TECTA: variants seen among roughly 807,000 people sequenced by gnomAD.
TECTA encodes alpha-tectorin.
In TECTA, 128 loss-of-function variants were observed where a neutral mutation model predicts 216.8. The observed-to-expected ratio is 0.59, with a 90% CI of 0.51 to 0.68. The LOEUF (loss-of-function observed/expected upper bound fraction) is 0.68, where lower values mean the gene tolerates loss of function less well. TECTA is among the 30% of genes least tolerant of loss of function. The pLI, the probability that TECTA is intolerant of heterozygous loss-of-function variation, is 0.00. For synonymous variants in TECTA, 1,089 were observed against 1,117.1 expected (o/e 0.97, Z 0.50); for missense variants, 2,551 against 2,786.2 (o/e 0.92, Z 1.90).
chr11:121,140,146 G>T (rs1946770132), intron 11 of TECTA, among the ~76,000 whole-genome samples: 1 of 152,096 alleles, frequency 6.6e-6, no homozygotes. Flanking sequence ...GATGAATTGT[G>T]TTTTCTGCCT....
At chr11:121,135,535 A>G (rs561504073) in intron 10 of TECTA, among the ~76,000 whole-genome samples, 26 of 152,362 alleles carry the variant, frequency 1.7e-4, no homozygotes, top group Admixed American at 5.9e-4. Context: ...ACTAGCCTTC[A>G]ACTCCAAAGC....
Position 121,127,616 on chromosome 11 carries a change from AT to A in TECTA, c.1775-134del. 1.0e-6 allele frequency: 1 copy of A among 957,360 alleles called. No individual in the cohort carries two copies. Among genetic ancestry groups the A allele is most frequent in the Middle Eastern group, 2.1e-4 (1 of 4,780 alleles). The allele number at this position is 957,360 out of a possible 1,614,324, so 59.3% of individuals were successfully genotyped here. A position where few individuals can be genotyped will look rare whatever the true frequency, so the allele number is the denominator to read the frequency against. On this transcript the variant is annotated intron_variant, in intron 8 of 23. Transcript: ENST00000392793. The surrounding 1 kb of genome is among the most constrained non-coding windows in gnomAD (Gnocchi z 5.0). ...GCTGGGTTTTACAGATACAACCTCA[AT>A]TCTGTCTTCCCCGAGTGGCCGCTTG...
At chr11:121,126,985 G>T (rs1402606436) in intron 8 of TECTA, among the ~76,000 whole-genome samples, 2 of 152,090 alleles carry the variant, frequency 1.3e-5, no homozygotes, top group African/African-American at 2.4e-5. Flanking sequence ...TTCTTTTCTG[G>T]CTCAATGGAC....
At chr11:121,184,982 C>T (rs879454392) in intron 20 of TECTA, among the ~76,000 whole-genome samples, 13 of 152,224 alleles carry the variant, frequency 8.5e-5, no homozygotes, top group African/African-American at 2.9e-4. Flanking sequence ...ATATGAGACA[C>T]TCTACAAATG....
rs144615423 is a variant in TECTA, at chr11:121,125,784, G to A, written c.1686G>A (p.Thr562=). 1.4e-5 allele frequency: 22 copies of A among 1,614,112 alleles called. No individual in the cohort carries two copies. In the African/African-American group the frequency reaches 2.8e-4, roughly 21 times the overall value. ...TGTGCAGTGTGAGGGACAATGGCAC[G>A]CTCCTCTGCCAAGCCATCCAGGCCT... ...YDLCSVRDNG[T]LLCQAIQAYA... Residue 562 remains threonine (T), a synonymous_variant, in exon 8 of 24, where the codon ACG becomes ACA. Transcript: ENST00000392793.
chr11:121,164,047 C>T (rs895464636), intron 16 of TECTA, among the ~76,000 whole-genome samples: 6 of 152,318 alleles, frequency 3.9e-5, no homozygotes, highest in Middle Eastern at 3.4e-3. Flanking sequence ...TGCACTCCCA[C>T]GTAATGTAAT....
chr11:121,136,184 CT>C (rs1443970571), intron 10 of TECTA, among the ~76,000 whole-genome samples: 1 of 152,128 alleles, frequency 6.6e-6, no homozygotes, highest in Non-Finnish European at 1.5e-5. Context: ...CTGTCTTGAA[CT>C]CCTGACCTCA....
At chr11:121,152,475 G>A (rs570636164) in intron 12 of TECTA, among the ~76,000 whole-genome samples, 1 of 152,218 alleles carries the variant, frequency 6.6e-6, no homozygotes, top group African/African-American at 2.4e-5. Context: ...GGATGAAGAA[G>A]GGCATGAATA....
intron 16 of TECTA, 67 bp downstream of exon 16, chr11:121,162,437 T>G: frequency 6.5e-7 from 1 of 1,543,376 alleles, no homozygotes; most frequent in Non-Finnish European, 8.8e-7. Flanking sequence ...CTGGTAGCAT[T>G]GCTTTTTCTA....
intron 16 of TECTA, among the ~76,000 whole-genome samples, chr11:121,163,639 A>C (rs1175942253): frequency 6.6e-6 from 1 of 152,256 alleles, no homozygotes; most frequent in East Asian, 1.9e-4. Context: ...CAATGACTTT[A>C]AAAATTAACT....
At chr11:121,186,201 G>T (rs1413562380) in intron 20 of TECTA, among the ~76,000 whole-genome samples, 1 of 152,000 alleles carries the variant, frequency 6.6e-6, no homozygotes, top group African/African-American at 2.4e-5. Context: ...CTTAATGAAT[G>T]AGCTGCAAAA....
intron 14 of TECTA, among the ~76,000 whole-genome samples, chr11:121,159,476 G>A (rs1946977167): frequency 6.6e-6 from 1 of 152,184 alleles, no homozygotes; most frequent in Non-Finnish European, 1.5e-5. Context: ...CTAATAGCCT[G>A]GGGAGAATAG....
chr11:121,187,865 C>G lies in TECTA; in HGVS notation c.6033C>G (p.Ile2011Met). ...CQNLKDNTIG[I>M]EENAVSLTCR... The stretch of plus-strand genomic sequence containing the variant: ...ACCTCAAAGATAACACCATTGGCAT[C>G]GAGGAGAATGCAGTCTCCCTGACCT... Residue 2011 changes from isoleucine to methionine, a missense_variant, in exon 21 of 24, where the codon ATC (isoleucine) becomes ATG (methionine). Ile to Met is a conservative substitution (Grantham distance 10). Coordinates refer to ENST00000392793, the MANE Select transcript of TECTA (RefSeq NM_005422.4). The G allele has an allele frequency of 1.2e-6, 2 of 1,614,220 alleles. No individual in the cohort carries two copies. Among genetic ancestry groups the G allele is most frequent in the Non-Finnish European group, 1.7e-6 (2 of 1,180,032 alleles).
intron 4 of TECTA, chr11:121,109,858 G>A (rs1250314430): frequency 1.4e-5 from 4 of 279,368 alleles, no homozygotes; most frequent in Non-Finnish European, 2.7e-5. Flanking sequence ...GGGACCCAAA[G>A]GTCCTTTTCT....
At chr11:121,120,541 C>A (rs1365488545) in intron 7 of TECTA, among the ~76,000 whole-genome samples, 1 of 152,154 alleles carries the variant, frequency 6.6e-6, no homozygotes, top group African/African-American at 2.4e-5. Context: ...CCATGCTGTG[C>A]CAGACCAGAA....
In TECTA at chr11:121,113,682, A is replaced by G. The variant is rs544118013; in HGVS notation, c.754A>G (p.Lys252Glu). 54 of 1,613,830 alleles carry G rather than the reference A, an allele frequency of 3.3e-5. No individual in the cohort carries two copies. In the South Asian group the frequency reaches 4.4e-4, roughly 13 times the overall value. Reference protein sequence around the residue: ...PGRWAFKVDGKEIDPANGCTS... With the variant: ...PGRWAFKVDGEEIDPANGCTS... ...CCGCTGGGCATTTAAAGTTGATGGA[A>G]AGGAAATTGACCCAGCCAATGGCTG... The change falls in exon 6 of 24, where the codon AAG becomes GAG. Residue 252 changes from lysine (K) to glutamate (E), a missense_variant. This residue lies in a region of TECTA where 2,375 missense variants were observed against 2,563.9 expected (regional missense o/e 0.93). Coordinates refer to ENST00000392793, the MANE Select transcript of TECTA (RefSeq NM_005422.4). The surrounding 1 kb of genome is among the most constrained non-coding windows in gnomAD (Gnocchi z 4.2).
rs1002451057 is a variant in TECTA at position 121,101,309 on chromosome 11, A to G, written c.-135A>G. On this transcript the variant is annotated 5_prime_UTR_variant, in exon 1 of 24. Coordinates refer to ENST00000392793, the MANE Select transcript of TECTA (RefSeq NM_005422.4). ...TTTAAGAGTACGAGATTCAGACATT[A>G]TTTCAGGAATCAGAAATTATTGGCA... The G allele has an allele frequency of 3.3e-5, 5 of 152,190 alleles. No homozygotes were observed. The highest frequency in any genetic ancestry group is 6.5e-5 in the Admixed American group (1 of 15,284). The allele number at this position is 152,190 out of a possible 1,614,324, so 9.4% of individuals were successfully genotyped here. A position where few individuals can be genotyped will look rare whatever the true frequency, so the allele number is the denominator to read the frequency against.
At chr11:121,162,685 TG>T (rs898252428) in intron 16 of TECTA, among the ~76,000 whole-genome samples, 2 of 152,168 alleles carry the variant, frequency 1.3e-5, no homozygotes, top group African/African-American at 4.8e-5. Flanking sequence ...GGATTCCTGA[TG>T]GATTTTAGTT....
At position 121,125,442 on chromosome 11, in the gene TECTA, C is replaced by T. The variant is rs768454285; in HGVS notation, c.1344C>T (p.Ser448=). ...TFDGQHYASI[S]VPGSYINSTC... ...ATGGCCAGCACTACGCCTCCATTTCCGTCCCAGGCTCCTATATAAACTCCA... is the reference window on the plus strand; with the variant it reads ...ATGGCCAGCACTACGCCTCCATTTCTGTCCCAGGCTCCTATATAAACTCCA... Residue 448 remains serine (S), a synonymous_variant, in exon 8 of 24, where the codon TCC becomes TCT. Coordinates refer to ENST00000392793, the MANE Select transcript of TECTA (RefSeq NM_005422.4). 2.5e-5 allele frequency: 41 copies of T among 1,614,084 alleles called. No homozygotes were observed. The East Asian group carries it at 3.8e-4, about 15-fold the overall frequency.
Sources: allele counts gnomAD v4.1 joint callset (sites outside exome capture counted in the v4.1 genomes callset), GRCh38; gene constraint gnomAD v4.1.1; regional missense constraint gnomAD v4.1.1; non-coding constraint Gnocchi (gnomAD v3.1); transcripts MANE v1.5; gene names NCBI Gene and HGNC (gene_info 2026-07-23, HGNC 2026-07-21).